The following DNAJC3 variants were observed in gnomAD, a reference collection of about 807,000 sequenced individuals.
The protein encoded by DNAJC3 is dnaJ homolog subfamily C member 3.
In DNAJC3, 38 loss-of-function variants were observed where a neutral mutation model predicts 68.6. The observed-to-expected ratio is 0.55, with a 90% confidence interval of 0.43 to 0.73. DNAJC3 has a LOEUF of 0.73. Ranked by LOEUF, DNAJC3 falls within the 30% of genes least tolerant of loss-of-function variation. The pLI is 0.00. For synonymous variants in DNAJC3, 203 were observed against 204.0 expected, an observed-to-expected ratio of 1.00 and a Z score of 0.04; for missense variants, 526 against 591.9, an observed-to-expected ratio of 0.89 and a Z score of 1.16.
intron 6 of DNAJC3, 69 bp from the exon 7 acceptor site, chr13:95,760,610 A>G: frequency 6.5e-7 from 1 of 1,535,378 alleles, no homozygotes; most frequent in Non-Finnish European, 8.7e-7. Context: ...TTTTATTGTG[A>G]TTTCTGTGGA....
intron 11 of DNAJC3, among the ~76,000 whole-genome samples, chr13:95,788,381 AACCAAGGGG>A (rs1482484796): frequency 6.6e-6 from 1 of 152,234 alleles, no homozygotes; most frequent in East Asian, 1.9e-4. Flanking sequence ...CCAGGGAGCC[AACCAAGGGG>A]ATGGGTGTCC....
At chr13:95,773,632 TCTG>T (rs1345612686) in intron 9 of DNAJC3, among the ~76,000 whole-genome samples, 1 of 151,942 alleles carries the variant, frequency 6.6e-6, no homozygotes, top group East Asian at 1.9e-4. Context: ...GTCTATAAGG[TCTG>T]TAAGATTATT....
chr13:95,704,854 T>TTTTTGTTTTTTG (rs1324876620), intron 1 of DNAJC3, among the ~76,000 whole-genome samples: 1 of 138,132 alleles, frequency 7.2e-6, no homozygotes, highest in African/African-American at 3.1e-5. Flanking sequence ...TGTGTGTGTT[T>TTTTTGTTTTTTG]TTTTTTTTTT....
intron 9 of DNAJC3, among the ~76,000 whole-genome samples, chr13:95,783,633 T>A (rs1883514058): frequency 6.6e-6 from 1 of 152,210 alleles, no homozygotes; most frequent in South Asian, 2.1e-4. Flanking sequence ...GAGAATTCAC[T>A]TTAGGATAAA....
chr13:95,731,934 C>A (rs555979451), intron 4 of DNAJC3, among the ~76,000 whole-genome samples: 1 of 138,842 alleles, frequency 7.2e-6, no homozygotes, highest in Non-Finnish European at 1.5e-5. Flanking sequence ...GAGACTGGGT[C>A]GCACTTTGTT....
At chr13:95,721,415 T>G (rs1881317912) in intron 2 of DNAJC3, among the ~76,000 whole-genome samples, 1 of 152,168 alleles carries the variant, frequency 6.6e-6, no homozygotes, top group African/African-American at 2.4e-5. Context: ...TTTATTTCTT[T>G]GGGGTATATA....
intron 1 of DNAJC3, chr13:95,695,809 A>G (rs1447840655): frequency 6.6e-6 from 1 of 152,242 alleles, no homozygotes; most frequent in Non-Finnish European, 1.5e-5. Flanking sequence ...TTCACCGTCA[A>G]CACTGCTTCA....
At chr13:95,705,977 T>A (rs995582108) in intron 1 of DNAJC3, among the ~76,000 whole-genome samples, 2 of 152,188 alleles carry the variant, frequency 1.3e-5, no homozygotes, top group Non-Finnish European at 2.9e-5. Context: ...TGGATCCCTC[T>A]CTCTTATTAT....
At chr13:95,754,513 T>A (rs2139669923) in intron 4 of DNAJC3, among the ~76,000 whole-genome samples, 1 of 152,044 alleles carries the variant, frequency 6.6e-6, no homozygotes, top group Admixed American at 6.5e-5. Context: ...TATAGTAGGA[T>A]AAATTCAAAA....
intron 1 of DNAJC3, among the ~76,000 whole-genome samples, chr13:95,708,695 A>G (rs746542451): frequency 4.6e-5 from 7 of 152,090 alleles, no homozygotes; most frequent in South Asian, 2.1e-4. Context: ...CTTTTTCCAC[A>G]GTACTTTTCA....
rs138455711 is a variant in DNAJC3 at position 95,682,329 on chromosome 13, A to ATC, written c.82+5002_82+5003dup. 6.1e-3 allele frequency among the ~76,000 whole-genome samples: 921 copies of ATC among 151,852 alleles called. 11 individuals are homozygous for ATC. Among genetic ancestry groups the ATC allele is most frequent in the East Asian group, 0.043 (223 of 5,138 alleles). ...TCTAAGTGCTCCAACCTGAATAACC[A>ATC]TCTCTCTCTCTGGGATTGCTCTCTG... On this transcript the variant is annotated intron_variant, in intron 1 of 11. Transcript: ENST00000602402.
chr13:95,721,532 C>T (rs575919992), intron 2 of DNAJC3, among the ~76,000 whole-genome samples: 7 of 152,238 alleles, frequency 4.6e-5, no homozygotes, highest in African/African-American at 1.2e-4. Context: ...CCACCAACAG[C>T]GCACAGGTGT....
chr13:95,773,828 C>A (rs1337590155), intron 9 of DNAJC3, among the ~76,000 whole-genome samples: 1 of 147,740 alleles, frequency 6.8e-6, no homozygotes, highest in Non-Finnish European at 1.5e-5. Flanking sequence ...CCTCTACCTC[C>A]TGGGTTCAAG....
intron 4 of DNAJC3, among the ~76,000 whole-genome samples, chr13:95,740,405 C>G (rs1427808580): frequency 2.0e-3 from 285 of 143,998 alleles, no homozygotes; most frequent in African/African-American, 4.9e-3. Flanking sequence ...CGCCCCTCCC[C>G]CAGCCTCGCT....
intron 4 of DNAJC3, among the ~76,000 whole-genome samples, chr13:95,746,178 A>G (rs147041841): frequency 6.6e-6 from 1 of 152,318 alleles, no homozygotes; most frequent in Non-Finnish European, 1.5e-5. Flanking sequence ...ACTTCTGTAG[A>G]ATATGGGCAC....
chr13:95,679,730 C>T (rs1277292564), intron 1 of DNAJC3, among the ~76,000 whole-genome samples: 3 of 152,194 alleles, frequency 2.0e-5, no homozygotes, highest in Non-Finnish European at 4.4e-5. Flanking sequence ...ATCTGCTTCA[C>T]TCTTATTAAT....
intron 3 of DNAJC3, among the ~76,000 whole-genome samples, chr13:95,724,481 A>C (rs959797988): frequency 2.0e-5 from 3 of 152,200 alleles, no homozygotes; most frequent in African/African-American, 7.2e-5. Context: ...CAACTTACGC[A>C]ACTTTTATTG....
At chr13:95,775,999 A>G (rs1883281017) in intron 9 of DNAJC3, among the ~76,000 whole-genome samples, 1 of 151,742 alleles carries the variant, frequency 6.6e-6, no homozygotes. Context: ...ATATATATAT[A>G]TATACTTTTT....
chr13:95,753,335 T>C (rs549103943), intron 4 of DNAJC3, among the ~76,000 whole-genome samples: 37 of 152,338 alleles, frequency 2.4e-4, no homozygotes, highest in Admixed American at 2.0e-3. Context: ...TCTTTTTCTT[T>C]TTTTTGGACA....
Sources: allele counts gnomAD v4.1 joint callset (sites outside exome capture counted in the v4.1 genomes callset), GRCh38; gene constraint gnomAD v4.1.1; transcripts MANE v1.5; gene names NCBI Gene and HGNC (gene_info 2026-07-23, HGNC 2026-07-21).